The following GMDS variants were observed in gnomAD, a reference collection of about 807,000 sequenced individuals.
GMDS encodes GDP-mannose 4,6-dehydratase.
A neutral mutation model predicts 49.9 loss-of-function variants in GMDS; 20 were observed. That is an observed-to-expected ratio of 0.40 (90% CI 0.28 to 0.58). The LOEUF (loss-of-function observed/expected upper bound fraction) is 0.58, where lower values mean the gene tolerates loss of function less well. GMDS is among the 20% of genes least tolerant of loss of function. The pLI, the probability that GMDS is intolerant of heterozygous loss-of-function variation, is 0.42. For synonymous variants in GMDS, 177 were observed against 178.6 expected (o/e 0.99, Z 0.07); for missense variants, 362 against 481.4 (o/e 0.75, Z 2.32).
intron 9 of GMDS, among the ~76,000 whole-genome samples, chr6:1,720,464 G>C (rs1309715993): frequency 6.6e-6 from 1 of 152,040 alleles, no homozygotes; most frequent in Non-Finnish European, 1.5e-5. Context: ...TAAGAGGGAG[G>C]CTTAAAATAT....
chr6:1,734,873 T>A (rs967976923), intron 8 of GMDS, among the ~76,000 whole-genome samples: 22 of 152,184 alleles, frequency 1.4e-4, no homozygotes, highest in African/African-American at 5.3e-4. Context: ...ATGATAATGG[T>A]AACAAGAAGA....
At chr6:1,868,031 G>C (rs113503308) in intron 7 of GMDS, among the ~76,000 whole-genome samples, 1,574 of 151,814 alleles carry the variant, frequency 0.01, 20 homozygotes, top group African/African-American at 0.036. Flanking sequence ...CTGTCACCCA[G>C]GCTGGAGTGC....
intron 4 of GMDS, among the ~76,000 whole-genome samples, chr6:2,111,595 A>C (rs1418642696): frequency 6.6e-6 from 1 of 152,152 alleles, no homozygotes; most frequent in East Asian, 1.9e-4. Flanking sequence ...ACTGGAAGTG[A>C]GAGCGGTAGG....
At chr6:1,961,036 A>C in intron 4 of GMDS, 70 bp from the exon 5 acceptor site, 1 of 832,166 alleles carries the variant, frequency 1.2e-6, no homozygotes, top group Non-Finnish European at 1.8e-6. Context: ...CAGCAGGAAC[A>C]AAGACTACAA....
chr6:1,883,594 C>G (rs1759467843), intron 7 of GMDS, among the ~76,000 whole-genome samples: 1 of 152,070 alleles, frequency 6.6e-6, no homozygotes, highest in Non-Finnish European at 1.5e-5. Flanking sequence ...TGAGCTCACT[C>G]TAAAACCCTG....
At position 1,875,761 on chromosome 6, in the gene GMDS, C is replaced by T. The variant is rs565308428; in HGVS notation, c.771+54342G>A. ...GTGAGCATAGCTGGGTGTGGTGGCT[C>T]ACACCCGTAATCCCAGCACTTTGGG... On this transcript the variant is annotated intron_variant, in intron 7 of 10. Coordinates refer to ENST00000380815, the MANE Select transcript of GMDS (RefSeq NM_001500.4). Among the ~76,000 whole-genome samples the T allele has an allele frequency of 2.0e-5, 3 of 150,900 alleles. 1 individual carries two copies. The South Asian group carries it at 6.3e-4, about 32-fold the overall frequency.
At chr6:1,705,083 G>A (rs9405505) in intron 9 of GMDS, among the ~76,000 whole-genome samples, 21,117 of 152,196 alleles carry the variant, frequency 0.14, 1,748 homozygotes, top group East Asian at 0.31. Context: ...ACGACAAAGC[G>A]ATGACTACTG....
intron 7 of GMDS, among the ~76,000 whole-genome samples, chr6:1,860,640 TA>T (rs1180915360): frequency 6.6e-6 from 1 of 152,172 alleles, no homozygotes; most frequent in African/African-American, 2.4e-5. Flanking sequence ...TACACCTGCC[TA>T]AATGGCTGAT....
rs68171156 is a variant in GMDS at position 2,243,843 on chromosome 6, C to CTTTTT, written c.102+1473_102+1477dup. ...ATCTGGCCAATTTCAACTTCTCCTT[C>CTTTTT]TTTTTTTTTTTTTTTTTTTTTTTTT... On this transcript the variant is annotated intron_variant, in intron 1 of 10. Transcript: ENST00000380815. Among the ~76,000 whole-genome samples the CTTTTT allele has an allele frequency of 6.7e-3, 391 of 58,158 alleles. 38 individuals carry two copies. The highest frequency in any genetic ancestry group is 0.011 in the African/African-American group (179 of 16,640). The allele number at this position is 58,158 out of a possible 152,430, so 38.2% of individuals were successfully genotyped here. A position where few individuals can be genotyped will look rare whatever the true frequency, so the allele number is the denominator to read the frequency against.
At position 2,184,817 on chromosome 6, in the gene GMDS, T is replaced by C. The variant is rs369050658; in HGVS notation, c.103-60086A>G. Among the ~76,000 whole-genome samples the C allele has an allele frequency of 4.6e-4, 70 of 152,332 alleles. No homozygotes were observed. The South Asian group carries it at 0.014, about 31-fold the overall frequency. On this transcript the variant is annotated intron_variant, in intron 1 of 10. Coordinates refer to ENST00000380815, the MANE Select transcript of GMDS (RefSeq NM_001500.4). ...TACCATAAAAGTCTCTTGTTTTCTG[T>C]GTTTATACCATTGGGAACCATTGTA...
At chr6:2,113,076 G>A (rs1300450047) in intron 4 of GMDS, among the ~76,000 whole-genome samples, 1 of 152,150 alleles carries the variant, frequency 6.6e-6, no homozygotes, top group African/African-American at 2.4e-5. Context: ...TCCCTTGAAT[G>A]TCCTTCAAGT....
At chr6:2,217,752 A>G (rs996667986) in intron 1 of GMDS, among the ~76,000 whole-genome samples, 2 of 152,172 alleles carry the variant, frequency 1.3e-5, no homozygotes, top group African/African-American at 4.8e-5. Flanking sequence ...GGGCACTTTA[A>G]TAAAGGTAAG....
At chr6:1,866,282 T>C (rs1166207661) in intron 7 of GMDS, among the ~76,000 whole-genome samples, 2 of 152,240 alleles carry the variant, frequency 1.3e-5, no homozygotes, top group African/African-American at 4.8e-5. Flanking sequence ...TATACATATA[T>C]GAATCTGCAA....
chr6:2,095,302 T>C (rs555580515), intron 4 of GMDS, among the ~76,000 whole-genome samples: 1 of 152,264 alleles, frequency 6.6e-6, no homozygotes, highest in African/African-American at 2.4e-5. Flanking sequence ...TAATAAAAAG[T>C]TAAACATAGA....
chr6:1,790,524 T>C (rs1016792349), intron 7 of GMDS, among the ~76,000 whole-genome samples: 24 of 152,336 alleles, frequency 1.6e-4, no homozygotes, highest in African/African-American at 5.5e-4. Context: ...CTACCTGTTT[T>C]AAAGGAAACA....
At chr6:1,679,340 AAATATAAATAGAGACCAGGAC>A (rs1294558662) in intron 9 of GMDS, 2 of 152,208 alleles carry the variant, frequency 1.3e-5, no homozygotes, top group Non-Finnish European at 2.9e-5. Context: ...AAGAGTTTTA[AAATATAAATAGAGACCAGGAC>A]AATGACTATA....
chr6:2,237,453 T>C (rs1244627839), intron 1 of GMDS, among the ~76,000 whole-genome samples: 1 of 152,066 alleles, frequency 6.6e-6, no homozygotes, highest in African/African-American at 2.4e-5. Context: ...AAGTGTGAGA[T>C]TCCCAAAATT....
At chr6:2,136,906 CAAAAAAAAAA>C (rs3049649) in intron 1 of GMDS, among the ~76,000 whole-genome samples, 1 of 127,964 alleles carries the variant, frequency 7.8e-6, no homozygotes, top group African/African-American at 2.9e-5. Flanking sequence ...TCATTTCAAA[CAAAAAAAAAA>C]AAAAAAAAGA....
intron 9 of GMDS, among the ~76,000 whole-genome samples, chr6:1,723,799 T>C (rs1581509639): frequency 6.6e-6 from 1 of 152,296 alleles, no homozygotes; most frequent in East Asian, 1.9e-4. Context: ...TCAGTTTAGA[T>C]GTGAGAGAAT....
Sources: gnomAD v4.1 joint callset for allele counts (sites outside exome capture counted in the v4.1 genomes callset) on GRCh38, gnomAD v4.1.1 for gene constraint, MANE v1.5 for transcripts, NCBI Gene and HGNC (gene_info 2026-07-23, HGNC 2026-07-21) for gene names.